Variants in NAV1 observed in about 807,000 individuals in gnomAD.
NAV1 encodes the protein neuron navigator 1.
NAV1 carries 18 observed loss-of-function variants against 175.2 expected under a neutral mutation model. That is an observed-to-expected ratio of 0.10 (90% confidence interval 0.07 to 0.15). The LOEUF (loss-of-function observed/expected upper bound fraction) is 0.15, where lower values mean the gene tolerates loss of function less well. NAV1 is among the 10% of genes least tolerant of loss of function. NAV1 has a pLI of 1.00. For missense variants in NAV1, 1,731 were observed against 2,436.6 expected (o/e 0.71, Z 6.10); for synonymous variants, 897 against 978.7 (o/e 0.92, Z 1.56).
At chr1:201,646,201 C>G (rs779473492), upstream of NAV1, among the ~76,000 whole-genome samples, 1 of 152,212 alleles carries the variant, frequency 6.6e-6, no homozygotes, top group Admixed American at 6.5e-5. Flanking sequence ...TTCCTTTAAC[C>G]AGTTCTTCAC....
intron 3 of NAV1, among the ~76,000 whole-genome samples, chr1:201,761,715 C>G (rs1410756585): frequency 6.6e-6 from 1 of 152,198 alleles, no homozygotes; most frequent in African/African-American, 2.4e-5. Flanking sequence ...TCTGTCAACC[C>G]TACATAAGTC....
intron 3 of NAV1, among the ~76,000 whole-genome samples, chr1:201,755,215 TA>T (rs1674378502): frequency 6.6e-6 from 1 of 152,240 alleles, no homozygotes; most frequent in African/African-American, 2.4e-5. Flanking sequence ...TAAAAACATT[TA>T]AAAACTTAAG....
At chr1:201,800,837 T>TCG (rs1558180829) in intron 15 of NAV1, among the ~76,000 whole-genome samples, 50 of 147,958 alleles carry the variant, frequency 3.4e-4, no homozygotes, top group African/African-American at 1.2e-3. Context: ...TTTTTTTTTT[T>TCG]TTTTAGACAG....
exon 1 of NAV1, chr1:201,648,404 C>A: frequency 8.3e-7 from 1 of 1,209,980 alleles, no homozygotes. Context: ...CCCTTTTCCT[C>A]CGACCCCGCC....
chr1:201,591,023 C>T (rs1234801186), intron 2 of NAV1, among the ~76,000 whole-genome samples: 1 of 152,086 alleles, frequency 6.6e-6, no homozygotes, highest in East Asian at 1.9e-4. Context: ...CTTCATGGCC[C>T]CTCTCTCCAA....
At chr1:201,791,677 G>T (rs539833459) in intron 13 of NAV1, 46 of 152,176 alleles carry the variant, frequency 3.0e-4, no homozygotes, top group African/African-American at 1.1e-3. Flanking sequence ...GGGTCTATCC[G>T]TCGGAATTAG....
At chr1:201,667,075 A>C in intron 1 of NAV1, among the ~76,000 whole-genome samples, 1 of 75,822 alleles carries the variant, frequency 1.3e-5, no homozygotes, top group South Asian at 3.2e-4. Flanking sequence ...TCTGATTTTA[A>C]TGGCAAGCCA....
intron 1 of NAV1, among the ~76,000 whole-genome samples, chr1:201,542,964 T>C (rs1012418977): frequency 3.9e-5 from 6 of 152,268 alleles, no homozygotes; most frequent in African/African-American, 1.4e-4. Context: ...CTGATTTTTG[T>C]GTGTTGATCT....
chr1:201,720,560 C>A (rs921069042), intron 3 of NAV1, among the ~76,000 whole-genome samples: 1 of 152,218 alleles, frequency 6.6e-6, no homozygotes, highest in African/African-American at 2.4e-5. Flanking sequence ...TGCTTGGAGA[C>A]GTCGCAGTCT....
intron 2 of NAV1, among the ~76,000 whole-genome samples, chr1:201,606,223 A>G (rs1667671444): frequency 6.6e-6 from 1 of 152,222 alleles, no homozygotes; most frequent in Admixed American, 6.5e-5. Flanking sequence ...ACATGTGGCC[A>G]GGGATCGACC....
intron 1 of NAV1, among the ~76,000 whole-genome samples, chr1:201,684,961 CAAAA>C (rs35153455): frequency 8.4e-6 from 1 of 119,192 alleles, no homozygotes; most frequent in Non-Finnish European, 1.7e-5. Flanking sequence ...GACTCTGTCT[CAAAA>C]AAAAAAAAAA....
chr1:201,680,769 C>T (rs933043958), intron 1 of NAV1, among the ~76,000 whole-genome samples: 4 of 148,542 alleles, frequency 2.7e-5, no homozygotes, highest in Admixed American at 7.3e-5. Context: ...TTGCACCCTT[C>T]GCCCAGTGGG....
intron 1 of NAV1, among the ~76,000 whole-genome samples, chr1:201,668,536 G>A (rs116588748): frequency 3.0e-4 from 46 of 152,182 alleles, no homozygotes; most frequent in Non-Finnish European, 5.4e-4. Flanking sequence ...CATGGTCTCA[G>A]CACCGCTTAC....
intron 3 of NAV1, chr1:201,723,331 C>T (rs1672470254): frequency 6.6e-6 from 1 of 152,092 alleles, no homozygotes; most frequent in Non-Finnish European, 1.5e-5. Flanking sequence ...AGATATGAAC[C>T]TTTTATCACA....
Position 201,746,297 on chromosome 1 carries a change from C to T in NAV1, c.1226+27542C>T, listed in dbSNP as rs373887728. ...ACAAAAAATAGCTGATAGGATACCACTGTAAGAGCTAATATAGCTGTACAG... is the reference window on the plus strand; with the variant it reads ...ACAAAAAATAGCTGATAGGATACCATTGTAAGAGCTAATATAGCTGTACAG... On this transcript the variant is annotated intron_variant, in intron 3 of 29. Transcript: ENST00000367296. Among the ~76,000 whole-genome samples the T allele has an allele frequency of 7.2e-5, 11 of 152,286 alleles. No individual in the cohort carries two copies. The East Asian group carries it at 1.9e-3, about 27-fold the overall frequency.
chr1:201,644,589 C>T (rs943059267), upstream of NAV1, among the ~76,000 whole-genome samples: 2 of 152,254 alleles, frequency 1.3e-5, no homozygotes, highest in Admixed American at 6.5e-5. Context: ...GAGACTGGCA[C>T]TCAAGGGGAT....
chr1:201,667,701 A>G (rs1473450532), intron 1 of NAV1, among the ~76,000 whole-genome samples: 1 of 152,238 alleles, frequency 6.6e-6, no homozygotes, highest in African/African-American at 2.4e-5. Flanking sequence ...AGGGTCAAGT[A>G]ACAAACTCAC....
intron 3 of NAV1, among the ~76,000 whole-genome samples, chr1:201,760,236 C>T (rs374700639): frequency 3.3e-5 from 5 of 152,278 alleles, no homozygotes; most frequent in South Asian, 4.1e-4. Flanking sequence ...GAGGCCCAGG[C>T]GGGTGGATCG....
At chr1:201,584,195 A>T (rs1176266048) in intron 1 of NAV1, among the ~76,000 whole-genome samples, 1 of 152,246 alleles carries the variant, frequency 6.6e-6, no homozygotes, top group African/African-American at 2.4e-5. Context: ...AAGGTCAATC[A>T]TCCAGTACCT....
Sources: allele counts gnomAD v4.1 joint callset (sites outside exome capture counted in the v4.1 genomes callset), GRCh38; gene constraint gnomAD v4.1.1; transcripts MANE v1.5; gene names NCBI Gene and HGNC (gene_info 2026-07-23, HGNC 2026-07-21).